Variants in TSC22D3 observed in about 807,000 individuals in gnomAD.
The protein encoded by TSC22D3 is TSC22 domain family protein 3.
Under a neutral mutation model 11.1 loss-of-function variants are expected in TSC22D3, and 4 were observed. The observed-to-expected ratio is 0.36, with a 90% CI of 0.18 to 0.83. TSC22D3 has a LOEUF of 0.83. TSC22D3 is among the 40% of genes least tolerant of loss of function. The pLI is 0.48. For missense variants in TSC22D3, 118 were observed against 159.4 expected, an observed-to-expected ratio of 0.74 and a Z score of 1.40; for synonymous variants, 77 against 70.3, an observed-to-expected ratio of 1.10 and a Z score of -0.48.
chrX:107,731,445 G>A (rs1367013988), intron 1 of TSC22D3, among the ~76,000 whole-genome samples: 1 of 111,921 alleles, frequency 8.9e-6, no homozygotes, highest in Non-Finnish European at 1.9e-5. Context: ...TAAAATGAGA[G>A]GGTTGAGGCT....
At chrX:107,729,670 G>A (rs1052327166) in intron 1 of TSC22D3, among the ~76,000 whole-genome samples, 1 of 112,576 alleles carries the variant, frequency 8.9e-6, no homozygotes, top group African/African-American at 3.2e-5. Context: ...GGGAGGCAGG[G>A]GAGTGGGGCT....
chrX:107,745,581 T>C (rs1928612279), intron 1 of TSC22D3, among the ~76,000 whole-genome samples: 1 of 112,577 alleles, frequency 8.9e-6, no homozygotes, highest in Non-Finnish European at 1.9e-5. Flanking sequence ...ACTTCTCTCC[T>C]GCTTTGCAAG....
In TSC22D3 at chrX:107,713,874, A is replaced by G. The variant is rs748709200; in HGVS notation, c.*645T>C. ...TACAGATCTAGCCCTATGGGTATAT[A>G]TACGCATTTATGGCTATATAGAAAA... On this transcript the variant is annotated 3_prime_UTR_variant, in exon 3 of 3. Coordinates refer to ENST00000372383, the MANE Select transcript of TSC22D3 (RefSeq NM_198057.3). 8.8e-6 allele frequency: 1 copy of G among 113,287 alleles called. No homozygotes were observed. Among genetic ancestry groups the G allele is most frequent in the East Asian group, 2.8e-4 (1 of 3,614 alleles). The allele number at this position is 113,287 out of a possible 1,213,427, so 9.3% of individuals were successfully genotyped here.
chrX:107,715,851 A>G, intron 2 of TSC22D3, 48 bp downstream of exon 2: 1 of 1,194,964 alleles, frequency 8.4e-7, no homozygotes, highest in Non-Finnish European at 1.1e-6. Context: ...GAGTTACATA[A>G]GCAGCAGCTA....
chrX:107,746,103 G>T (rs1244792208), intron 1 of TSC22D3, among the ~76,000 whole-genome samples: 1 of 111,830 alleles, frequency 8.9e-6, no homozygotes, highest in African/African-American at 3.3e-5. Context: ...CATTTCATTG[G>T]CTTGGAGATT....
At position 107,713,402 on chromosome X, in the gene TSC22D3, GC is replaced by G. The variant is rs766975380; in HGVS notation, c.*1116del. 1 of 112,346 alleles carries G rather than the reference GC, an allele frequency of 8.9e-6. No homozygotes were observed. Among genetic ancestry groups the G allele is most frequent in the South Asian group, 3.6e-4 (1 of 2,740 alleles). The allele number at this position is 112,346 out of a possible 1,213,427, so 9.3% of individuals were successfully genotyped here. ...ACCTCCCAGGCTCCATTGGATCAAA[GC>G]CATCCCCTTGTTCATCCCTCATCCA... On this transcript the variant is annotated 3_prime_UTR_variant, in exon 3 of 3. Transcript: ENST00000372383.
At chrX:107,717,547 C>T (rs1927113972) in intron 1 of TSC22D3, among the ~76,000 whole-genome samples, 1 of 112,388 alleles carries the variant, frequency 8.9e-6, no homozygotes, top group Non-Finnish European at 1.9e-5. Flanking sequence ...TCAGCTTTCC[C>T]CTCACCAGCC....
chrX:107,730,720 A>G (rs1435508269), intron 1 of TSC22D3, among the ~76,000 whole-genome samples: 1 of 112,619 alleles, frequency 8.9e-6, no homozygotes, highest in Non-Finnish European at 1.9e-5. Context: ...GTAAACACAT[A>G]TTTTGAAACA....
At chrX:107,723,911 G>A (rs137903483) in intron 1 of TSC22D3, among the ~76,000 whole-genome samples, 18 of 112,467 alleles carry the variant, frequency 1.6e-4, no homozygotes, top group Non-Finnish European at 2.1e-4. Flanking sequence ...TGTGGGCCTC[G>A]CTATAGAATG....
rs771713432 is a variant in TSC22D3, at chrX:107,718,746, C to T, written c.321-2796G>A. Among the ~76,000 whole-genome samples, 5 of 112,544 alleles carry T rather than the reference C, an allele frequency of 4.4e-5. No individual in the cohort carries two copies. In the South Asian group the frequency reaches 1.8e-3, roughly 41 times the overall value. On this transcript the variant is annotated intron_variant, in intron 1 of 2. Coordinates refer to ENST00000372383, the MANE Select transcript of TSC22D3 (RefSeq NM_198057.3). ...CCAATAGAACTAAGTAAACCTGCTG[C>T]ACTAGCCCGGGATGGTGTTTTTCTT...
At position 107,772,577 on chromosome X, in the gene TSC22D3, T is replaced by C. The variant is rs1459947180; in HGVS notation, c.320+2523A>G. Among the ~76,000 whole-genome samples the C allele has an allele frequency of 6.3e-5, 7 of 111,640 alleles. No individual in the cohort carries two copies. The Admixed American group carries it at 6.7e-4, about 11-fold the overall frequency. ...GTCAAGGAAAACAAGAGGGGATCAG[T>C]GGCTCATGCCTGTGATCCTGGCACT... On this transcript the variant is annotated intron_variant, in intron 1 of 2. Coordinates refer to ENST00000372383, the MANE Select transcript of TSC22D3 (RefSeq NM_198057.3).
At chrX:107,767,887 G>T (rs1929740469) in intron 1 of TSC22D3, among the ~76,000 whole-genome samples, 1 of 111,983 alleles carries the variant, frequency 8.9e-6, no homozygotes, top group Admixed American at 9.4e-5. Context: ...TTATTTAAAA[G>T]GAAATTTCAT....
chrX:107,740,825 C>CA (rs771616617), intron 1 of TSC22D3, among the ~76,000 whole-genome samples: 22 of 110,748 alleles, frequency 2.0e-4, no homozygotes, highest in Non-Finnish European at 3.8e-4. Flanking sequence ...ATAAGCTCAA[C>CA]ATGGCAACCT....
chrX:107,721,931 C>A (rs773818233), intron 1 of TSC22D3: 14 of 499,515 alleles, frequency 2.8e-5, no homozygotes, highest in Non-Finnish European at 4.0e-5. Flanking sequence ...CCTTGCTTCT[C>A]GCTTATCTTC....
At chrX:107,721,865 C>G in intron 1 of TSC22D3, 1 of 519,036 alleles carries the variant, frequency 1.9e-6, no homozygotes, top group Non-Finnish European at 3.5e-6. Flanking sequence ...TTACTTGTCC[C>G]TTTTTCTGAA....
At chrX:107,724,781 C>G (rs936862057) in intron 1 of TSC22D3, among the ~76,000 whole-genome samples, 1 of 112,639 alleles carries the variant, frequency 8.9e-6, no homozygotes, top group African/African-American at 3.2e-5. Flanking sequence ...ATACTGGGAA[C>G]GGGAAGTCCT....
chrX:107,739,083 T>C lies in TSC22D3; in HGVS notation c.321-23133A>G, dbSNP rs1266031763. Reference sequence around the variant, plus strand: ...GAATCAGTCGTAGCCAAAGAAGACCTGGACTCTCTTCCCTTACACCATTTG... The same window carrying C: ...GAATCAGTCGTAGCCAAAGAAGACCCGGACTCTCTTCCCTTACACCATTTG... On this transcript the variant is annotated intron_variant, in intron 1 of 2. Transcript: ENST00000372383. Among the ~76,000 whole-genome samples the C allele has an allele frequency of 4.4e-5, 5 of 113,072 alleles. No individual in the cohort carries two copies. The Admixed American group carries it at 4.6e-4, about 10-fold the overall frequency.
At position 107,749,221 on chromosome X, in the gene TSC22D3, AC is replaced by A. The variant is rs1928824042; in HGVS notation, c.320+25878del. ...CACACACACACACACACACACACAC[AC>A]ACAAATTAGCCGGGCGTAGTGGTAG... On this transcript the variant is annotated intron_variant, in intron 1 of 2. Transcript: ENST00000372383. Among the ~76,000 whole-genome samples the A allele has an allele frequency of 3.3e-5, 3 of 90,045 alleles. 1 individual carries two copies. The highest frequency in any genetic ancestry group is 1.2e-4 in the African/African-American group (3 of 25,382). 78.2% of individuals were successfully genotyped at this position (90,045 alleles called of 115,157 possible).
At chrX:107,742,497 G>A (rs1928467185) in intron 1 of TSC22D3, among the ~76,000 whole-genome samples, 1 of 110,772 alleles carries the variant, frequency 9.0e-6, no homozygotes, top group Non-Finnish European at 1.9e-5. Flanking sequence ...TCCCCGCCGA[G>A]GCTCCTTTCA....
Sources: gnomAD v4.1 joint callset for allele counts (sites outside exome capture counted in the v4.1 genomes callset) on GRCh38, gnomAD v4.1.1 for gene constraint, MANE v1.5 for transcripts, NCBI Gene and HGNC (gene_info 2026-07-23, HGNC 2026-07-21) for gene names.